POTEJ: variants seen among roughly 807,000 people sequenced by gnomAD.
POTEJ encodes the protein POTE ankyrin domain family member J.
POTEJ carries 11 observed loss-of-function variants against 69.0 expected under a neutral mutation model. The ratio of observed to expected loss-of-function variants is 0.16; its 90% CI spans 0.10 to 0.26. POTEJ has a LOEUF of 0.26. Ranked by LOEUF, POTEJ falls within the 10% of genes least tolerant of loss-of-function variation. POTEJ has a pLI of 1.00. For missense variants in POTEJ, 327 were observed against 1,045.5 expected (o/e 0.31, Z 9.48); for synonymous variants, 117 against 381.1 (o/e 0.31, Z 8.07).
At chr2:130,643,552 G>C (rs1225354838) in intron 10 of POTEJ, among the ~76,000 whole-genome samples, 2 of 144,312 alleles carry the variant, frequency 1.4e-5, no homozygotes, top group East Asian at 3.9e-4. Flanking sequence ...AAATAAATTT[G>C]TCAGAATAGT....
intron 6 of POTEJ, among the ~76,000 whole-genome samples, chr2:130,627,262 T>G (rs1685745208): frequency 6.6e-6 from 1 of 151,298 alleles, no homozygotes; most frequent in African/African-American, 2.5e-5. Context: ...ATCCTACTAG[T>G]TTGACTCTCA....
At chr2:130,644,626 A>T (rs1464249190) in intron 11 of POTEJ, among the ~76,000 whole-genome samples, 2 of 150,846 alleles carry the variant, frequency 1.3e-5, no homozygotes, top group Non-Finnish European at 3.0e-5. Flanking sequence ...ATTTTAAAAT[A>T]TTCTTATCTG....
intron 13 of POTEJ, among the ~76,000 whole-genome samples, chr2:130,648,881 C>A (rs1686696226): frequency 2.2e-5 from 2 of 88,896 alleles, no homozygotes; most frequent in Admixed American, 2.7e-4. Flanking sequence ...CAACCTCTGC[C>A]TCATGAGTTC....
chr2:130,634,859 G>A (rs4092177), intron 9 of POTEJ, among the ~76,000 whole-genome samples: 2,941 of 148,140 alleles, frequency 0.02, no homozygotes, highest in African/African-American at 0.069. Context: ...ATCTCACACC[G>A]GCGTCTTCAA....
At chr2:130,648,994 G>A (rs1247846723) in intron 13 of POTEJ, among the ~76,000 whole-genome samples, 3 of 132,450 alleles carry the variant, frequency 2.3e-5, no homozygotes, top group African/African-American at 6.2e-5. Flanking sequence ...GTTTCCCCAT[G>A]TTGGCCAGGC....
At chr2:130,655,255 G>A (rs1407790879) in intron 14 of POTEJ, among the ~76,000 whole-genome samples, 25 of 152,056 alleles carry the variant, frequency 1.6e-4, no homozygotes, top group Non-Finnish European at 1.9e-4. Flanking sequence ...CTGCACAATG[G>A]CCTCAATCCA....
rs548530110 is a variant in POTEJ, at chr2:130,657,336, G to T, written c.2576G>T (p.Arg859Leu). 1.3e-6 allele frequency: 2 copies of T among 1,598,400 alleles called. No individual in the cohort carries two copies. The highest frequency in any genetic ancestry group is 2.2e-5 in the South Asian group (2 of 90,830). The change falls in exon 15 of 15, where the codon CGT (arginine) becomes CTT (leucine). Residue 859 changes from arginine to leucine, a missense_variant. Physicochemically the swap from Arg to Leu is moderately radical, Grantham distance 102. Coordinates refer to ENST00000409602, the MANE Select transcript of POTEJ (RefSeq NM_001277083.2). ...TACCTCATGAAGATCCTCACCGAGC[G>T]TGGCTATAGGTTCACCACCATGGCC... ...TDYLMKILTE[R>L]GYRFTTMAER...
At chr2:130,636,268 A>G (rs1686085656) in intron 9 of POTEJ, among the ~76,000 whole-genome samples, 1 of 152,244 alleles carries the variant, frequency 6.6e-6, no homozygotes, top group Non-Finnish European at 1.5e-5. Context: ...TTTCTGAGGA[A>G]GAACCGTGTA....
intron 9 of POTEJ, among the ~76,000 whole-genome samples, chr2:130,636,338 G>T: frequency 6.6e-6 from 1 of 151,858 alleles, no homozygotes. Context: ...GCTCTCTAAG[G>T]TAATCAAGGC....
At chr2:130,637,915 G>A (rs1422069162) in intron 9 of POTEJ, among the ~76,000 whole-genome samples, 4 of 145,890 alleles carry the variant, frequency 2.7e-5, no homozygotes, top group South Asian at 2.1e-4. Context: ...CATCAACTCC[G>A]TAATAGTGGA....
chr2:130,613,355 T>C (rs1378500949), intron 1 of POTEJ, among the ~76,000 whole-genome samples: 1 of 133,642 alleles, frequency 7.5e-6, no homozygotes, highest in African/African-American at 2.9e-5. Context: ...TGTGTGTGTA[T>C]ATATATACAT....
Position 130,639,058 on chromosome 2 carries a change from A to G in POTEJ, c.1369+369A>G, listed in dbSNP as rs371377369. Among the ~76,000 whole-genome samples the G allele has an allele frequency of 1.6e-4, 25 of 152,366 alleles. No homozygotes were observed. The South Asian group carries it at 3.8e-3, about 23-fold the overall frequency. On this transcript the variant is annotated intron_variant, in intron 10 of 14. Transcript: ENST00000409602. ...AGTTCACAACAGGGTTCATGCTCCT[A>G]TGAGTATCTAATGCTATCACTGATC...
At chr2:130,629,258 CAA>C in intron 6 of POTEJ, among the ~76,000 whole-genome samples, 1 of 148,820 alleles carries the variant, frequency 6.7e-6, no homozygotes, top group South Asian at 2.1e-4. Flanking sequence ...GAGCCCTGAA[CAA>C]AGACAGGGCT....
chr2:130,612,792 G>A (rs1463731858), intron 1 of POTEJ, among the ~76,000 whole-genome samples: 2 of 148,784 alleles, frequency 1.3e-5, no homozygotes, highest in African/African-American at 4.9e-5. Flanking sequence ...AAAGATGTGA[G>A]CTTTTTCTAT....
chr2:130,611,204 C>T (rs1478121200), upstream of POTEJ, among the ~76,000 whole-genome samples: 1 of 139,554 alleles, frequency 7.2e-6, no homozygotes, highest in Non-Finnish European at 1.5e-5. Context: ...GACGTTTCCT[C>T]CTTGGATTGG....
chr2:130,617,806 TTGTG>T (rs760103928), intron 3 of POTEJ, among the ~76,000 whole-genome samples: 2 of 151,808 alleles, frequency 1.3e-5, no homozygotes, highest in South Asian at 2.1e-4. Flanking sequence ...CATGAAGAGG[TTGTG>T]TGTGTGTGTG....
chr2:130,638,013 A>G lies in POTEJ; in HGVS notation c.1299-606A>G, dbSNP rs186971427. On this transcript the variant is annotated intron_variant, in intron 9 of 14. Coordinates refer to ENST00000409602, the MANE Select transcript of POTEJ (RefSeq NM_001277083.2). ...GTTGAGATGCCCTGAATTAGAAGCC[A>G]TAAAGAGTAGGACAGCTAAGAAGCA... Among the ~76,000 whole-genome samples, 387 of 148,146 alleles carry G rather than the reference A, an allele frequency of 2.6e-3. 2 individuals are homozygous for G. The highest frequency in any genetic ancestry group is 9.1e-3 in the African/African-American group (366 of 40,316).
chr2:130,650,014 A>AG lies in POTEJ; in HGVS notation c.1667+3704_1667+3705insG, dbSNP rs1420597367. On this transcript the variant is annotated intron_variant, in intron 13 of 14. Transcript: ENST00000409602. ...AGAGAAAATGAAGAAAATGAAAAAAAAGAGAGATAATGAGGACTAACAGAA... is the reference window on the plus strand; with the variant it reads ...AGAGAAAATGAAGAAAATGAAAAAAAGAGAGAGATAATGAGGACTAACAGAA... Among the ~76,000 whole-genome samples, 7 of 152,372 alleles carry AG rather than the reference A, an allele frequency of 4.6e-5. No individual in the cohort carries two copies. The East Asian group carries it at 1.3e-3, about 29-fold the overall frequency.
At chr2:130,628,032 GCTAT>G (rs1193262773) in intron 6 of POTEJ, among the ~76,000 whole-genome samples, 6 of 144,152 alleles carry the variant, frequency 4.2e-5, no homozygotes, top group Non-Finnish European at 7.5e-5. Flanking sequence ...GTCCACATGA[GCTAT>G]CTGTCACCTT....
Sources: gnomAD v4.1 joint callset for allele counts (sites outside exome capture counted in the v4.1 genomes callset) on GRCh38, gnomAD v4.1.1 for gene constraint, MANE v1.5 for transcripts, NCBI Gene and HGNC (gene_info 2026-07-23, HGNC 2026-07-21) for gene names.